ADRA1B: variants seen among roughly 807,000 people sequenced by gnomAD.
ADRA1B encodes adrenoceptor alpha 1B.
Under a neutral mutation model 17.9 loss-of-function variants are expected in ADRA1B, and 17 were observed. The observed-to-expected ratio is 0.95, with a 90% CI of 0.65 to 1.42. ADRA1B has a LOEUF of 1.42. ADRA1B is among the 40% of genes most tolerant of loss of function. The pLI, the probability that ADRA1B is intolerant of heterozygous loss-of-function variation, is 0.00. For missense variants in ADRA1B, 681 were observed against 722.1 expected (o/e 0.94, Z 0.65); for synonymous variants, 366 against 327.6 (o/e 1.12, Z -1.27).
chr5:159,877,962 C>T (rs114532046), intron 1 of ADRA1B, among the ~76,000 whole-genome samples: 2,928 of 152,288 alleles, frequency 0.019, 80 homozygotes, highest in African/African-American at 0.066. Context: ...GCCTTACTTC[C>T]TGTTTTCTGA....
intron 1 of ADRA1B, among the ~76,000 whole-genome samples, chr5:159,921,487 CTGAGCTAT>C (rs1754478888): frequency 6.6e-6 from 1 of 152,184 alleles, no homozygotes; most frequent in South Asian, 2.1e-4. Flanking sequence ...CAAGAAGTGG[CTGAGCTAT>C]TGAGGATGTG....
chr5:159,924,847 C>A (rs919346136), intron 1 of ADRA1B, among the ~76,000 whole-genome samples: 17 of 152,224 alleles, frequency 1.1e-4, no homozygotes, highest in African/African-American at 3.9e-4. Flanking sequence ...AGTCACTGTG[C>A]TTCCTAACCA....
chr5:159,881,216 T>C (rs1439499371), intron 1 of ADRA1B, among the ~76,000 whole-genome samples: 1 of 143,156 alleles, frequency 7.0e-6, no homozygotes, highest in Admixed American at 7.0e-5. Flanking sequence ...AATTCTGGCA[T>C]GATGGAGGGA....
At chr5:159,964,366 G>A (rs577075545) in intron 1 of ADRA1B, among the ~76,000 whole-genome samples, 1 of 152,302 alleles carries the variant, frequency 6.6e-6, no homozygotes, top group East Asian at 1.9e-4. Flanking sequence ...TCACACCACA[G>A]TCTGGAGCTA....
intron 1 of ADRA1B, among the ~76,000 whole-genome samples, chr5:159,954,692 C>T (rs912510579): frequency 2.0e-5 from 3 of 152,142 alleles, no homozygotes; most frequent in Non-Finnish European, 4.4e-5. Flanking sequence ...GGATTTTGAA[C>T]TTCCAGGGTT....
chr5:159,906,537 C>A (rs1384111789), intron 1 of ADRA1B, among the ~76,000 whole-genome samples: 1 of 152,208 alleles, frequency 6.6e-6, no homozygotes, highest in South Asian at 2.1e-4. Context: ...ATTAGGATAT[C>A]TAAGGCTGAA....
intron 1 of ADRA1B, among the ~76,000 whole-genome samples, chr5:159,947,351 A>AT (rs1338148465): frequency 6.6e-6 from 1 of 152,086 alleles, no homozygotes; most frequent in Non-Finnish European, 1.5e-5. Flanking sequence ...TAAAAAAAAA[A>AT]GAAAAGAAAA....
intron 1 of ADRA1B, among the ~76,000 whole-genome samples, chr5:159,908,883 G>C (rs1425244684): frequency 2.6e-5 from 4 of 152,122 alleles, no homozygotes; most frequent in Admixed American, 6.5e-5. Context: ...GCCCTCCCAG[G>C]CACTTGCAAT....
chr5:159,983,051 T>C, the ADRA1B span, among the ~76,000 whole-genome samples: 4 of 152,168 alleles, frequency 2.6e-5, no homozygotes, highest in Admixed American at 6.5e-5. Flanking sequence ...CAAAATCTTA[T>C]GTAGTGCAGG....
At chr5:159,988,015 A>G in the ADRA1B span, among the ~76,000 whole-genome samples, 1 of 152,194 alleles carries the variant, frequency 6.6e-6, no homozygotes, top group Admixed American at 6.5e-5. Flanking sequence ...GACTTTGCAG[A>G]TCTAATCAAG....
intron 1 of ADRA1B, among the ~76,000 whole-genome samples, chr5:159,871,535 C>A (rs1010420782): frequency 6.6e-6 from 1 of 152,114 alleles, no homozygotes; most frequent in African/African-American, 2.4e-5. Context: ...GCTTGCAGCT[C>A]CTCCCCTGTG....
At chr5:159,947,799 G>C (rs2113251984) in intron 1 of ADRA1B, 2 of 985,344 alleles carry the variant, frequency 2.0e-6, no homozygotes, top group Non-Finnish European at 2.4e-6. Flanking sequence ...GCCACGTGAG[G>C]GACACGGGAG....
chr5:159,981,276 C>G, the ADRA1B span, among the ~76,000 whole-genome samples: 2 of 152,094 alleles, frequency 1.3e-5, no homozygotes, highest in Non-Finnish European at 2.9e-5. Context: ...TGTCTAGCAG[C>G]ATCCCTGACC....
chr5:159,930,979 C>CAT (rs1201464299), intron 1 of ADRA1B, among the ~76,000 whole-genome samples: 1 of 147,160 alleles, frequency 6.8e-6, no homozygotes, highest in Non-Finnish European at 1.5e-5. Flanking sequence ...TCTAATTTAA[C>CAT]ATATATATAA....
intron 1 of ADRA1B, among the ~76,000 whole-genome samples, chr5:159,953,727 C>T (rs1330066757): frequency 6.6e-6 from 1 of 152,178 alleles, no homozygotes; most frequent in Non-Finnish European, 1.5e-5. Flanking sequence ...CTCCTTGCTT[C>T]CTGAATCAGT....
At chr5:159,878,648 C>T (rs1483703894) in intron 1 of ADRA1B, among the ~76,000 whole-genome samples, 3 of 152,160 alleles carry the variant, frequency 2.0e-5, no homozygotes. Context: ...CTCCATTTTA[C>T]AAGTAAGCAA....
At chr5:159,932,564 C>T (rs1235059104) in intron 1 of ADRA1B, among the ~76,000 whole-genome samples, 2 of 152,190 alleles carry the variant, frequency 1.3e-5, no homozygotes. Context: ...AGATAAGACA[C>T]ACACAAGGTA....
At chr5:159,912,819 C>A (rs1270346183), upstream of ADRA1B, among the ~76,000 whole-genome samples, 2 of 152,226 alleles carry the variant, frequency 1.3e-5, no homozygotes, top group Non-Finnish European at 2.9e-5. Flanking sequence ...CAGTGCCTGG[C>A]ACATAGTAGG....
chr5:159,985,235 GATC>G, the ADRA1B span, among the ~76,000 whole-genome samples: 1 of 152,118 alleles, frequency 6.6e-6, no homozygotes, highest in Non-Finnish European at 1.5e-5. Context: ...TTCTAAAACA[GATC>G]ATCTGTCACT....
Sources: allele counts gnomAD v4.1 joint callset (sites outside exome capture counted in the v4.1 genomes callset), GRCh38; gene constraint gnomAD v4.1.1; transcripts MANE v1.5; gene names NCBI Gene and HGNC (gene_info 2026-07-23, HGNC 2026-07-21).